The following PCDH9 variants were observed in gnomAD, a reference collection of about 807,000 sequenced individuals.
PCDH9 encodes the protein protocadherin-9.
Under a neutral mutation model 70.6 loss-of-function variants are expected in PCDH9, and 24 were observed. The ratio of observed to expected loss-of-function variants is 0.34; its 90% confidence interval spans 0.25 to 0.48. The LOEUF (loss-of-function observed/expected upper bound fraction) is 0.48, where lower values mean the gene tolerates loss of function less well. Among genes scored for constraint, PCDH9 ranks in the 20% least tolerant of loss-of-function variants. PCDH9 has a pLI of 0.99. For missense variants in PCDH9, 1,281 were observed against 1,503.6 expected (o/e 0.85, Z 2.45); for synonymous variants, 562 against 558.5 (o/e 1.01, Z -0.09).
At chr13:67,006,419 A>G (rs965466481) in intron 2 of PCDH9, among the ~76,000 whole-genome samples, 6 of 152,312 alleles carry the variant, frequency 3.9e-5, no homozygotes, top group African/African-American at 1.4e-4. Flanking sequence ...CTTGGCTGAA[A>G]TTATCAGAAT....
chr13:66,467,890 C>G (rs890283538), intron 4 of PCDH9, among the ~76,000 whole-genome samples: 1 of 152,040 alleles, frequency 6.6e-6, no homozygotes, highest in Non-Finnish European at 1.5e-5. Context: ...GTTCCTTGCT[C>G]ATTTCTCATT....
intron 4 of PCDH9, among the ~76,000 whole-genome samples, chr13:66,626,379 A>G (rs960486114): frequency 2.6e-5 from 4 of 152,186 alleles, no homozygotes; most frequent in African/African-American, 9.6e-5. Context: ...TAGACATGGG[A>G]GTCCAAAGAT....
At chr13:66,751,493 A>G (rs2079458356) in intron 3 of PCDH9, among the ~76,000 whole-genome samples, 3 of 152,210 alleles carry the variant, frequency 2.0e-5, no homozygotes, top group Admixed American at 2.0e-4. Context: ...TCAGAGATAG[A>G]ATTTGACTAA....
chr13:66,654,020 G>T (rs2138998430), intron 3 of PCDH9, among the ~76,000 whole-genome samples: 1 of 148,704 alleles, frequency 6.7e-6, no homozygotes, highest in Non-Finnish European at 1.5e-5. Flanking sequence ...AGAGACATCT[G>T]CACTCCCATG....
intron 4 of PCDH9, among the ~76,000 whole-genome samples, chr13:66,539,982 A>C (rs928810733): frequency 6.8e-6 from 1 of 147,862 alleles, no homozygotes; most frequent in Admixed American, 6.9e-5. Context: ...CCATGCTCCT[A>C]CCTTAGCCTC....
At chr13:67,156,160 G>C (rs968992967) in intron 2 of PCDH9, among the ~76,000 whole-genome samples, 1 of 152,044 alleles carries the variant, frequency 6.6e-6, no homozygotes, top group Non-Finnish European at 1.5e-5. Context: ...ACTCCTGCCT[G>C]CACGCCCAAA....
At chr13:67,021,322 G>A (rs776051453) in intron 2 of PCDH9, among the ~76,000 whole-genome samples, 2 of 152,154 alleles carry the variant, frequency 1.3e-5, no homozygotes, top group African/African-American at 2.4e-5. Flanking sequence ...CATTGCCTGA[G>A]CACCAAGTAC....
chr13:66,730,975 C>T (rs113329578), intron 3 of PCDH9, among the ~76,000 whole-genome samples: 6 of 148,644 alleles, frequency 4.0e-5, no homozygotes, highest in East Asian at 4.0e-4. Context: ...CTTCCTGCCT[C>T]GGCCTCCCAA....
rs2089916291 is a variant in PCDH9 at position 67,227,811 on chromosome 13, C to T, written c.630G>A (p.Leu210=). 4.3e-6 allele frequency: 7 copies of T among 1,613,888 alleles called. No individual in the cohort carries two copies. Among genetic ancestry groups the T allele is most frequent in the Non-Finnish European group, 5.9e-6 (7 of 1,179,944 alleles). The change falls in exon 2 of 5, where the codon TTG becomes TTA. Residue 210 remains leucine (L), a synonymous_variant. Coordinates refer to ENST00000377865, the MANE Select transcript of PCDH9 (RefSeq NM_203487.3). This position sits in a 1 kb window ranked among gnomAD's most constrained non-coding sequence, Gnocchi z 4.6. ...CATAGGTATCTTTCTGTTCTCTATC[C>T]AAGTTTTGCTGAACAATCAGTTGTG... is the stretch of plus-strand genomic sequence containing the variant. The part of the protein sequence containing the change: ...KWPQLIVQQN[L]DREQKDTYVM...
chr13:66,958,637 G>T (rs1207228743), intron 2 of PCDH9, among the ~76,000 whole-genome samples: 5 of 152,138 alleles, frequency 3.3e-5, no homozygotes, highest in Non-Finnish European at 7.3e-5. Context: ...AACTAGGACA[G>T]TCTATTCATT....
intron 4 of PCDH9, among the ~76,000 whole-genome samples, chr13:66,514,500 A>C (rs558702237): frequency 9.2e-4 from 140 of 151,838 alleles, no homozygotes; most frequent in African/African-American, 3.2e-3. Flanking sequence ...AAAAAAAAAA[A>C]AAAAGAAAGA....
At chr13:66,452,983 C>T (rs974997615) in intron 4 of PCDH9, among the ~76,000 whole-genome samples, 4 of 152,080 alleles carry the variant, frequency 2.6e-5, no homozygotes. Flanking sequence ...GCCAGCCACC[C>T]ATCCATCCAT....
intron 3 of PCDH9, among the ~76,000 whole-genome samples, chr13:66,713,170 TTTCAGAAAGGCAGG>T (rs1163069586): frequency 6.6e-6 from 1 of 152,124 alleles, no homozygotes; most frequent in Non-Finnish European, 1.5e-5. Flanking sequence ...GTTTCTGTGC[TTTCAGAAAGGCAGG>T]TACAGACATT....
intron 3 of PCDH9, among the ~76,000 whole-genome samples, chr13:66,887,758 C>T (rs2082031620): frequency 6.6e-6 from 1 of 152,058 alleles, no homozygotes; most frequent in African/African-American, 2.4e-5. Flanking sequence ...TGTAAATAAA[C>T]TAGGCACTAA....
At chr13:67,055,944 G>T (rs1184835131) in intron 2 of PCDH9, among the ~76,000 whole-genome samples, 1 of 152,186 alleles carries the variant, frequency 6.6e-6, no homozygotes, top group East Asian at 1.9e-4. Flanking sequence ...CTTAAGGCCA[G>T]GAGCTGAAGA....
intron 2 of PCDH9, among the ~76,000 whole-genome samples, chr13:66,975,192 TAGAA>T (rs1292516351): frequency 1.6e-4 from 25 of 151,984 alleles, no homozygotes; most frequent in Admixed American, 1.5e-3. Flanking sequence ...GGCCATGTCA[TAGAA>T]AGCAGAAATC....
chr13:66,721,566 C>G (rs528903104), intron 3 of PCDH9, among the ~76,000 whole-genome samples: 1 of 152,046 alleles, frequency 6.6e-6, no homozygotes, highest in South Asian at 2.1e-4. Flanking sequence ...TGTAGCATGA[C>G]AGAACTCATG....
chr13:66,909,696 G>A (rs949738528), intron 2 of PCDH9, among the ~76,000 whole-genome samples: 4 of 152,150 alleles, frequency 2.6e-5, no homozygotes, highest in African/African-American at 9.7e-5. Flanking sequence ...GTGAACCTGG[G>A]AGGCGGAGCT....
At chr13:66,700,093 G>A (rs1416225577) in intron 3 of PCDH9, among the ~76,000 whole-genome samples, 1 of 152,078 alleles carries the variant, frequency 6.6e-6, no homozygotes, top group Non-Finnish European at 1.5e-5. Flanking sequence ...AGGGCCCTTT[G>A]GCTGTGATGC....
Sources: gnomAD v4.1 joint callset for allele counts (sites outside exome capture counted in the v4.1 genomes callset) on GRCh38, gnomAD v4.1.1 for gene constraint, Gnocchi (gnomAD v3.1) non-coding constraint, MANE v1.5 for transcripts, NCBI Gene and HGNC (gene_info 2026-07-23, HGNC 2026-07-21) for gene names.